The following SENP6 variants were observed in gnomAD, a reference collection of about 807,000 sequenced individuals.
SENP6 encodes the protein SUMO specific peptidase 6.
In SENP6, 41 loss-of-function variants were observed where a neutral mutation model predicts 134.5. The ratio of observed to expected loss-of-function variants is 0.30; its 90% CI spans 0.24 to 0.40. SENP6 has a LOEUF of 0.40. Among genes scored for constraint, SENP6 ranks in the 10% least tolerant of loss-of-function variants. The probability of loss-of-function intolerance (pLI) is 1.00; values close to 1 mark genes in which losing one functional copy is unlikely to be tolerated. For missense variants in SENP6, 1,248 were observed against 1,312.5 expected, an observed-to-expected ratio of 0.95 and a Z score of 0.76; for synonymous variants, 395 against 429.8, an observed-to-expected ratio of 0.92 and a Z score of 1.00.
At chr6:75,635,076 A>T (rs1016274310) in intron 5 of SENP6, 4 of 495,130 alleles carry the variant, frequency 8.1e-6, no homozygotes, top group African/African-American at 5.8e-5. Context: ...ACTGAAACTG[A>T]TTTACAATAT....
At chr6:75,642,694 T>C (rs1362283281) in intron 6 of SENP6, among the ~76,000 whole-genome samples, 4 of 152,234 alleles carry the variant, frequency 2.6e-5, no homozygotes, top group Non-Finnish European at 5.9e-5. Flanking sequence ...GCATTTGAGA[T>C]AGGGAAGTAT....
intron 7 of SENP6, among the ~76,000 whole-genome samples, chr6:75,649,141 A>G (rs1287181792): frequency 6.6e-6 from 1 of 151,740 alleles, no homozygotes; most frequent in Non-Finnish European, 1.5e-5. Context: ...CCCCATCGCT[A>G]CTGGAAAAAA....
chr6:75,685,812 C>G (rs1773798893), intron 16 of SENP6, among the ~76,000 whole-genome samples: 1 of 152,070 alleles, frequency 6.6e-6, no homozygotes, highest in African/African-American at 2.4e-5. Flanking sequence ...GCTTTACTTC[C>G]AATTATGTGG....
chr6:75,669,510 G>A (rs1024126995), intron 10 of SENP6, among the ~76,000 whole-genome samples: 1 of 151,926 alleles, frequency 6.6e-6, no homozygotes, highest in South Asian at 2.1e-4. Flanking sequence ...TAATGGGAAT[G>A]GTGGACATTC....
intron 7 of SENP6, among the ~76,000 whole-genome samples, chr6:75,656,291 G>T (rs187145336): frequency 6.6e-6 from 1 of 150,896 alleles, no homozygotes; most frequent in East Asian, 1.9e-4. Flanking sequence ...TGTTCCTACC[G>T]CAGGGTCTTT....
At chr6:75,631,640 A>G (rs911983348) in intron 3 of SENP6, among the ~76,000 whole-genome samples, 8 of 152,156 alleles carry the variant, frequency 5.3e-5, no homozygotes, top group Non-Finnish European at 8.8e-5. Context: ...TTTCTTGGAA[A>G]ACAGCCATGC....
In SENP6 at chr6:75,675,438, T is replaced by C. The variant is rs556209948; in HGVS notation, c.1396T>C (p.Cys466Arg). ...FRLLIEPVIF[C>R]LDFIKIQLDE... Reference sequence around the variant, plus strand: ...ACTAATTCATCTTTTTTTTTAGTTTTGTTTAGATTTTATCAAGATACAGCT... The same window carrying C: ...ACTAATTCATCTTTTTTTTTAGTTTCGTTTAGATTTTATCAAGATACAGCT... The change falls in exon 12 of 24, where the codon TGT becomes CGT. Residue 466 changes from cysteine to arginine, a missense_variant. By Grantham distance (180) the Cys-to-Arg change is radical. This residue lies in a region of SENP6 where 733 missense variants were observed against 725.4 expected (regional missense o/e 1.01). Coordinates refer to ENST00000447266, the MANE Select transcript of SENP6 (RefSeq NM_015571.4). 2.8e-6 allele frequency: 4 copies of C among 1,444,180 alleles called. No homozygotes were observed. The South Asian group carries it at 5.0e-5, about 18-fold the overall frequency. 89.5% of individuals were successfully genotyped at this position (1,444,180 alleles called of 1,614,324 possible). A position where few individuals can be genotyped will look rare whatever the true frequency, so the allele number is the denominator to read the frequency against.
chr6:75,652,314 A>C (rs952151013), intron 7 of SENP6, among the ~76,000 whole-genome samples: 24 of 151,840 alleles, frequency 1.6e-4, no homozygotes, highest in Admixed American at 4.6e-4. Flanking sequence ...CCCAGCTGCA[A>C]ATTTTTATAT....
In SENP6 at chr6:75,695,819, A is replaced by G; in HGVS notation, c.2091A>G (p.Glu697=). Reference sequence around the variant, plus strand: ...TATCAAATAGATACTTGGTGCTTGAAAAACTGAAGAAGGAAGACGCTGACC... The same window carrying G: ...TATCAAATAGATACTTGGTGCTTGAGAAACTGAAGAAGGAAGACGCTGACC... ...IDFYLKYLVL[E]KLKKEDADRI... is the part of the protein sequence containing the mutation. The change falls in exon 17 of 24, where the codon GAA becomes GAG. Residue 697 remains glutamate (E), a synonymous_variant. Coordinates refer to ENST00000447266, the MANE Select transcript of SENP6 (RefSeq NM_015571.4). The G allele has an allele frequency of 6.3e-7, 1 of 1,592,348 alleles. No individual in the cohort carries two copies. The highest frequency in any genetic ancestry group is 8.5e-7 in the Non-Finnish European group (1 of 1,170,464).
At chr6:75,604,283 A>T (rs1766856378) in intron 1 of SENP6, among the ~76,000 whole-genome samples, 1 of 152,234 alleles carries the variant, frequency 6.6e-6, no homozygotes, top group South Asian at 2.1e-4. Context: ...GAGTTTCACC[A>T]TGTCTTAAGC....
At chr6:75,623,654 G>A (rs1026412232) in intron 2 of SENP6, among the ~76,000 whole-genome samples, 20 of 152,122 alleles carry the variant, frequency 1.3e-4, no homozygotes, top group Admixed American at 1.2e-3. Context: ...CTAATCTTGC[G>A]TGCCACCTAA....
intron 1 of SENP6, chr6:75,611,266 TTC>T (rs1408516112): frequency 2.6e-5 from 4 of 152,202 alleles, no homozygotes; most frequent in South Asian, 2.1e-4. Context: ...GCATTCAGTC[TTC>T]TGTTTTCAGC....
At chr6:75,710,763 A>G (rs139358091) in intron 20 of SENP6, among the ~76,000 whole-genome samples, 1 of 152,282 alleles carries the variant, frequency 6.6e-6, no homozygotes, top group African/African-American at 2.4e-5. Context: ...AAAGAACAAC[A>G]ATGACCAAAA....
intron 16 of SENP6, among the ~76,000 whole-genome samples, chr6:75,680,058 T>A (rs1335935870): frequency 6.6e-6 from 1 of 152,200 alleles, no homozygotes; most frequent in African/African-American, 2.4e-5. Context: ...GAAATTTAAT[T>A]AAGATGATTT....
chr6:75,687,457 A>G lies in SENP6; in HGVS notation c.2076-8347A>G, dbSNP rs540331577. Among the ~76,000 whole-genome samples, 11 of 152,306 alleles carry G rather than the reference A, an allele frequency of 7.2e-5. No homozygotes were observed. In the South Asian group the frequency reaches 2.1e-3, roughly 29 times the overall value. On this transcript the variant is annotated intron_variant, in intron 16 of 23. Coordinates refer to ENST00000447266, the MANE Select transcript of SENP6 (RefSeq NM_015571.4). The stretch of plus-strand genomic sequence containing the variant: ...GTTCCGTTGCTGGCAAGAAGCTGCA[A>G]TCCTTTGGAGAAGAAGAGGTGCTCT...
At position 75,612,306 on chromosome 6, in the gene SENP6, A is replaced by G. The variant is rs146861958; in HGVS notation, c.53-9226A>G. On this transcript the variant is annotated intron_variant, in intron 1 of 23. Coordinates refer to ENST00000447266, the MANE Select transcript of SENP6 (RefSeq NM_015571.4). ...AGAGCCACATAAAATTGCTTTTCGAACATACACATTTAATTCTCTCTATAT... is the reference window on the plus strand; with the variant it reads ...AGAGCCACATAAAATTGCTTTTCGAGCATACACATTTAATTCTCTCTATAT... Among the ~76,000 whole-genome samples, 1,010 of 152,296 alleles carry G rather than the reference A, an allele frequency of 6.6e-3. 9 individuals carry two copies. Among genetic ancestry groups the G allele is most frequent in the Middle Eastern group, 0.034 (10 of 294 alleles).
chr6:75,661,545 C>T (rs1314945111), intron 8 of SENP6, among the ~76,000 whole-genome samples: 1 of 152,230 alleles, frequency 6.6e-6, no homozygotes, highest in Admixed American at 6.5e-5. Context: ...ATCACATCAC[C>T]TAGGTATTAA....
chr6:75,608,060 G>A (rs1041317257), intron 1 of SENP6, among the ~76,000 whole-genome samples: 1 of 152,082 alleles, frequency 6.6e-6, no homozygotes, highest in African/African-American at 2.4e-5. Flanking sequence ...CCTTACTTAA[G>A]TATGTTTATT....
At chr6:75,633,849 G>A in intron 4 of SENP6, 123 bp downstream of exon 4, 3 of 677,274 alleles carry the variant, frequency 4.4e-6, no homozygotes, top group Non-Finnish European at 6.9e-6. Flanking sequence ...GGGCCAAGAG[G>A]TAGCATGGTC....
Sources: gnomAD v4.1 joint callset for allele counts (sites outside exome capture counted in the v4.1 genomes callset) on GRCh38, gnomAD v4.1.1 for gene constraint, gnomAD v4.1.1 regional missense constraint, MANE v1.5 for transcripts, NCBI Gene and HGNC (gene_info 2026-07-23, HGNC 2026-07-21) for gene names.